The following ROBO2 variants were observed in gnomAD, a reference collection of about 807,000 sequenced individuals.
ROBO2 encodes the protein roundabout homolog 2.
A neutral mutation model predicts 160.8 loss-of-function variants in ROBO2; 53 were observed. The observed-to-expected ratio is 0.33, with a 90% CI of 0.26 to 0.41. The LOEUF (loss-of-function observed/expected upper bound fraction) is 0.41. Among genes scored for constraint, ROBO2 ranks in the 10% least tolerant of loss-of-function variants. ROBO2 has a pLI of 1.00. For missense variants in ROBO2, 1,577 were observed against 1,722.4 expected (o/e 0.92, Z 1.49); for synonymous variants, 664 against 611.7 (o/e 1.09, Z -1.26).
At chr3:77,160,085 T>G (rs2078350506) in intron 2 of ROBO2, among the ~76,000 whole-genome samples, 1 of 149,140 alleles carries the variant, frequency 6.7e-6, no homozygotes, top group African/African-American at 2.5e-5. Context: ...GATTTGTATG[T>G]ATGCCCCTGT....
intron 2 of ROBO2, among the ~76,000 whole-genome samples, chr3:76,923,885 C>T (rs1016038997): frequency 1.3e-5 from 2 of 152,220 alleles, no homozygotes; most frequent in South Asian, 2.1e-4. Flanking sequence ...TGTGAATATG[C>T]GTTTGTGTTA....
At chr3:77,395,663 T>A (rs2075206932) in intron 2 of ROBO2, among the ~76,000 whole-genome samples, 1 of 152,144 alleles carries the variant, frequency 6.6e-6, no homozygotes, top group South Asian at 2.1e-4. Context: ...CTGTAGTAGA[T>A]CTAAATGTAA....
chr3:76,575,859 G>A (rs952511790), intron 2 of ROBO2, among the ~76,000 whole-genome samples: 2 of 151,906 alleles, frequency 1.3e-5, no homozygotes, highest in African/African-American at 4.8e-5. Flanking sequence ...GATTTGTGGA[G>A]AGAGAGAGAG....
chr3:76,556,990 C>T (rs1440163925), intron 2 of ROBO2, among the ~76,000 whole-genome samples: 1 of 151,980 alleles, frequency 6.6e-6, no homozygotes, highest in South Asian at 2.1e-4. Context: ...ACTTTTTGGA[C>T]TAAAGATGAA....
At chr3:77,648,285 A>T (rs1374253912) in exon 26 of ROBO2, 1 of 152,144 alleles carries the variant, frequency 6.6e-6, no homozygotes. Context: ...ATGTTTCTCT[A>T]TGACCCAGTT....
At chr3:76,676,211 TGATTA>T (rs1483856940) in intron 2 of ROBO2, among the ~76,000 whole-genome samples, 2 of 151,720 alleles carry the variant, frequency 1.3e-5, no homozygotes, top group African/African-American at 4.8e-5. Flanking sequence ...TCTTGGGAGG[TGATTA>T]GATTATGGAG....
chr3:76,212,819 A>G (rs1282686250), intron 2 of ROBO2, among the ~76,000 whole-genome samples: 1 of 147,610 alleles, frequency 6.8e-6, no homozygotes, highest in East Asian at 2.0e-4. Context: ...CACATGTGAG[A>G]TACCTTGGTA....
At chr3:76,138,466 GAA>G (rs1446229950) in intron 2 of ROBO2, among the ~76,000 whole-genome samples, 2 of 151,968 alleles carry the variant, frequency 1.3e-5, no homozygotes, top group Non-Finnish European at 2.9e-5. Flanking sequence ...GAAGAAACTA[GAA>G]ATGCGTTGTA....
At chr3:77,134,730 T>A (rs1427330540) in intron 2 of ROBO2, among the ~76,000 whole-genome samples, 1 of 152,144 alleles carries the variant, frequency 6.6e-6, no homozygotes, top group East Asian at 1.9e-4. Flanking sequence ...AGATAATAAT[T>A]TAATAAGAAA....
In ROBO2 at chr3:76,068,244, G is replaced by A. The variant is rs115288809; in HGVS notation, c.109+130642G>A. On this transcript the variant is annotated intron_variant, in intron 2 of 26. Coordinates refer to the ROBO2 transcript ENST00000487694. Reference sequence around the variant, plus strand: ...GTAAGGAGCTCTGTCTGACTGGGCTGTAGTCAGCTGAAGGACAGTGAGAGC... The same window carrying A: ...GTAAGGAGCTCTGTCTGACTGGGCTATAGTCAGCTGAAGGACAGTGAGAGC... Among the ~76,000 whole-genome samples the A allele has an allele frequency of 1.7e-3, 263 of 152,294 alleles. 2 individuals carry two copies. The highest frequency in any genetic ancestry group is 6.0e-3 in the African/African-American group (248 of 41,568).
intron 2 of ROBO2, among the ~76,000 whole-genome samples, chr3:77,307,238 G>T (rs941962269): frequency 3.3e-5 from 5 of 152,122 alleles, no homozygotes; most frequent in African/African-American, 9.7e-5. Context: ...CTGGTGAGTT[G>T]TCTCTGACCA....
chr3:76,395,172 T>C (rs900950709), intron 2 of ROBO2, among the ~76,000 whole-genome samples: 53 of 151,320 alleles, frequency 3.5e-4, no homozygotes, highest in African/African-American at 1.3e-3. Context: ...ATTAAGAAAC[T>C]CACTCAAAAC....
chr3:76,338,138 A>G (rs560174875), intron 2 of ROBO2, among the ~76,000 whole-genome samples: 9 of 152,296 alleles, frequency 5.9e-5, no homozygotes, highest in Middle Eastern at 3.4e-3. Context: ...ACATAGCTAT[A>G]AGGAATTTAG....
intron 2 of ROBO2, among the ~76,000 whole-genome samples, chr3:77,416,975 G>A (rs1019754910): frequency 4.6e-5 from 7 of 152,076 alleles, no homozygotes; most frequent in African/African-American, 1.7e-4. Context: ...AGCATAATGA[G>A]TTCATTATGT....
intron 6 of ROBO2, among the ~76,000 whole-genome samples, chr3:77,524,191 A>G (rs913669252): frequency 2.0e-5 from 3 of 151,250 alleles, no homozygotes; most frequent in Non-Finnish European, 4.4e-5. Context: ...TACAAAACAT[A>G]TTTAGACAAA....
intron 2 of ROBO2, among the ~76,000 whole-genome samples, chr3:76,883,661 A>T (rs2073590730): frequency 6.6e-6 from 1 of 152,192 alleles, no homozygotes; most frequent in Admixed American, 6.5e-5. Flanking sequence ...TAAGGTTGCT[A>T]ACTATTCATT....
chr3:76,919,230 C>T (rs1192054961), intron 2 of ROBO2, among the ~76,000 whole-genome samples: 2 of 152,106 alleles, frequency 1.3e-5, no homozygotes, highest in African/African-American at 4.8e-5. Context: ...AAAGTGATGT[C>T]AGTCACTCCT....
chr3:76,213,627 T>C (rs1370995300), intron 2 of ROBO2, among the ~76,000 whole-genome samples: 1 of 152,212 alleles, frequency 6.6e-6, no homozygotes, highest in Non-Finnish European at 1.5e-5. Flanking sequence ...TAGAACATTT[T>C]GCAAATATCT....
chr3:76,708,876 A>G (rs2093227681), intron 2 of ROBO2, among the ~76,000 whole-genome samples: 2 of 152,180 alleles, frequency 1.3e-5, no homozygotes, highest in Admixed American at 6.5e-5. Flanking sequence ...CAAGCACCCA[A>G]GAGATATTAG....
Sources: gnomAD v4.1 joint callset for allele counts (sites outside exome capture counted in the v4.1 genomes callset) on GRCh38, gnomAD v4.1.1 for gene constraint, MANE v1.5 for transcripts, NCBI Gene and HGNC (gene_info 2026-07-23, HGNC 2026-07-21) for gene names.